Variants in RYR3 observed in about 807,000 individuals in gnomAD.
RYR3 encodes ryanodine receptor 3.
A neutral mutation model predicts 584.3 loss-of-function variants in RYR3; 207 were observed. The observed-to-expected ratio is 0.35, with a 90% confidence interval of 0.32 to 0.40. The LOEUF is 0.40. Among genes scored for constraint, RYR3 ranks in the 10% least tolerant of loss-of-function variants. The pLI is 1.00. For missense variants in RYR3, 5,616 were observed against 6,089.2 expected (o/e 0.92, Z 2.59); for synonymous variants, 2,416 against 2,248.5 (o/e 1.07, Z -2.11).
intron 43 of RYR3, among the ~76,000 whole-genome samples, chr15:33,709,841 G>C (rs1019638045): frequency 5.3e-5 from 8 of 152,168 alleles, no homozygotes; most frequent in South Asian, 2.1e-4. Context: ...GATGGCACTG[G>C]TAAGACATGC....
chr15:33,620,387 C>T (rs1235204456), intron 19 of RYR3, among the ~76,000 whole-genome samples: 1 of 152,070 alleles, frequency 6.6e-6, no homozygotes, highest in Admixed American at 6.5e-5. Context: ...TTCCTTTATC[C>T]GTCTAGAGGT....
chr15:33,450,175 C>T (rs536481454), intron 1 of RYR3, among the ~76,000 whole-genome samples: 1 of 149,518 alleles, frequency 6.7e-6, no homozygotes, highest in African/African-American at 2.5e-5. Context: ...GGCATCCACA[C>T]CCTGCATGGC....
intron 1 of RYR3, among the ~76,000 whole-genome samples, chr15:33,374,143 G>T (rs1333725462): frequency 6.6e-6 from 1 of 152,072 alleles, no homozygotes. Flanking sequence ...GCAATTAAGA[G>T]GGAGGAAGAT....
chr15:33,420,220 G>A (rs1005741576), intron 1 of RYR3, among the ~76,000 whole-genome samples: 2 of 152,144 alleles, frequency 1.3e-5, no homozygotes, highest in African/African-American at 4.8e-5. Context: ...GAGGGGAAAT[G>A]GATGTGTTGG....
chr15:33,553,434 G>A (rs2056833795), intron 10 of RYR3, among the ~76,000 whole-genome samples: 1 of 152,172 alleles, frequency 6.6e-6, no homozygotes, highest in South Asian at 2.1e-4. Flanking sequence ...AAGATGGCAG[G>A]TGCCCCAGTG....
chr15:33,795,751 G>A lies in RYR3; in HGVS notation c.9831-5019G>A, dbSNP rs1009431711. Among the ~76,000 whole-genome samples, 18 of 151,934 alleles carry A rather than the reference G, an allele frequency of 1.2e-4. No individual in the cohort carries two copies. The East Asian group carries it at 2.1e-3, about 18-fold the overall frequency. On this transcript the variant is annotated intron_variant, in intron 67 of 103. Coordinates refer to ENST00000634891, the MANE Select transcript of RYR3 (RefSeq NM_001036.6). ...TCACCATGTTGGCCAGGCTGGTCTC[G>A]AACTCGTGACCTCAGGTGATCTGCC...
chr15:33,584,697 C>A (rs894327251), intron 15 of RYR3, among the ~76,000 whole-genome samples: 6 of 152,086 alleles, frequency 3.9e-5, no homozygotes, highest in African/African-American at 1.4e-4. Flanking sequence ...AACAATCCTT[C>A]CTTTTTAAAT....
chr15:33,677,180 T>C (rs1033022967), intron 38 of RYR3, among the ~76,000 whole-genome samples: 5 of 152,118 alleles, frequency 3.3e-5, no homozygotes, highest in African/African-American at 1.2e-4. Flanking sequence ...GGACCCACAC[T>C]CTTTCCAGAG....
chr15:33,842,462 T>C (rs1214314436), intron 91 of RYR3, among the ~76,000 whole-genome samples: 1 of 152,258 alleles, frequency 6.6e-6, no homozygotes, highest in African/African-American at 2.4e-5. Flanking sequence ...TTGTTCTATA[T>C]GCAATCAAAG....
intron 67 of RYR3, among the ~76,000 whole-genome samples, chr15:33,799,515 G>C (rs373436351): frequency 6.6e-6 from 1 of 152,208 alleles, no homozygotes; most frequent in African/African-American, 2.4e-5. Flanking sequence ...AAGGTGGTGT[G>C]CCTGGAGAAG....
In RYR3 at chr15:33,843,577, GATACTT is replaced by G; in HGVS notation, c.13296+4_13296+9del. ...ACTTCATCCTGCTTTTTTATAAGGT[GATACTT>G]CATTCAGGGGTTATTTGCTAAATAT... On this transcript the variant is annotated splice_donor_5th_base_variant and intron_variant, in intron 92 of 103. Transcript: ENST00000634891. The G allele has an allele frequency of 6.4e-7, 1 of 1,567,712 alleles. No individual in the cohort carries two copies. The highest frequency in any genetic ancestry group is 8.7e-7 in the Non-Finnish European group (1 of 1,150,120).
At chr15:33,562,514 T>C (rs1435124) in intron 10 of RYR3, among the ~76,000 whole-genome samples, 99,197 of 152,056 alleles carry the variant, frequency 0.65, 33,341 homozygotes, top group Middle Eastern at 0.76. Context: ...TTAAGTTATA[T>C]AAATCAGGAT....
chr15:33,584,625 A>G (rs1293227864), intron 15 of RYR3, 135 bp downstream of exon 15: 2 of 551,898 alleles, frequency 3.6e-6, no homozygotes, highest in South Asian at 4.9e-5. Flanking sequence ...AATTAAAAAG[A>G]AATAGTCTTC....
At chr15:33,566,949 C>G (rs2057749308) in intron 12 of RYR3, 150 bp downstream of exon 12, 1 of 928,554 alleles carries the variant, frequency 1.1e-6, no homozygotes. Flanking sequence ...GAGACTGAAA[C>G]ATATTTCCTA....
intron 31 of RYR3, among the ~76,000 whole-genome samples, chr15:33,651,304 T>C (rs1351015617): frequency 6.6e-6 from 1 of 152,242 alleles, no homozygotes; most frequent in Non-Finnish European, 1.5e-5. Flanking sequence ...CATTATTAAT[T>C]GTATTCTGTA....
Position 33,635,792 on chromosome 15 carries a change from C to A in RYR3, c.3354C>A (p.Asp1118Glu). ...CTGATGTCGAGCTGGGGGCCGATGA[C>A]CAAGCCTTTGTGTTTGAAGGCAACA... ...CRPDVELGADDQAFVFEGNRG... is the reference protein window; with the variant it reads ...CRPDVELGADEQAFVFEGNRG... Residue 1118 changes from aspartate to glutamate, a missense_variant, in exon 26 of 104, where the codon GAC becomes GAA. Transcript: ENST00000634891. 1 of 1,613,246 alleles carries A rather than the reference C, an allele frequency of 6.2e-7. No homozygotes were observed. Among genetic ancestry groups the A allele is most frequent in the Non-Finnish European group, 8.5e-7 (1 of 1,179,794 alleles).
chr15:33,701,538 C>T (rs984759020), intron 42 of RYR3, among the ~76,000 whole-genome samples: 2 of 152,084 alleles, frequency 1.3e-5, no homozygotes, highest in South Asian at 2.1e-4. Flanking sequence ...CTGGTTGAGG[C>T]GGCCTCACTA....
chr15:33,645,347 A>G (rs967633033), intron 28 of RYR3, among the ~76,000 whole-genome samples: 1 of 152,110 alleles, frequency 6.6e-6, no homozygotes, highest in Non-Finnish European at 1.5e-5. Flanking sequence ...AAAAAATGCC[A>G]GACAAATCAG....
At chr15:33,828,015 T>C (rs1020502407) in intron 85 of RYR3, among the ~76,000 whole-genome samples, 2 of 152,232 alleles carry the variant, frequency 1.3e-5, no homozygotes, top group Non-Finnish European at 2.9e-5. Flanking sequence ...AGCAAGTCTA[T>C]CTGTGCCGTT....
Sources: gnomAD v4.1 joint callset for allele counts (sites outside exome capture counted in the v4.1 genomes callset) on GRCh38, gnomAD v4.1.1 for gene constraint, MANE v1.5 for transcripts, NCBI Gene and HGNC (gene_info 2026-07-23, HGNC 2026-07-21) for gene names.